The following ACAP2 variants were observed in gnomAD, a reference collection of about 807,000 sequenced individuals.
The protein encoded by ACAP2 is arf-GAP with coiled-coil, ANK repeat and PH domain-containing protein 2.
In ACAP2, 39 loss-of-function variants were observed where a neutral mutation model predicts 115.8. That is an observed-to-expected ratio of 0.34 (90% CI 0.26 to 0.44). ACAP2 has a LOEUF of 0.44. ACAP2 is among the 20% of genes least tolerant of loss of function. The pLI is 1.00. For synonymous variants in ACAP2, 289 were observed against 315.8 expected (o/e 0.92, Z 0.90); for missense variants, 662 against 927.6 (o/e 0.71, Z 3.72).
At chr3:195,420,135 T>C (rs115582418) in intron 1 of ACAP2, among the ~76,000 whole-genome samples, 4,325 of 152,226 alleles carry the variant, frequency 0.028, 91 homozygotes, top group Middle Eastern at 0.048. Context: ...TGTCAAGTTT[T>C]ATAGTTGTTT....
chr3:195,430,601 G>C (rs993941276), intron 1 of ACAP2, among the ~76,000 whole-genome samples: 1 of 152,148 alleles, frequency 6.6e-6, no homozygotes, highest in African/African-American at 2.4e-5. Context: ...TATAATCCCA[G>C]CTACTCGGGA....
intron 1 of ACAP2, among the ~76,000 whole-genome samples, chr3:195,432,892 T>C (rs1715244362): frequency 6.6e-6 from 1 of 152,246 alleles, no homozygotes; most frequent in Non-Finnish European, 1.5e-5. Context: ...TTCTAAGTAC[T>C]TTCCTCTTTT....
intron 1 of ACAP2, 58 bp downstream of exon 1, chr3:195,442,737 A>G: frequency 6.6e-7 from 1 of 1,507,952 alleles, no homozygotes; most frequent in Non-Finnish European, 8.9e-7. Context: ...CCCGGCTTTC[A>G]CGCCCCCAGC....
intron 4 of ACAP2, among the ~76,000 whole-genome samples, chr3:195,347,023 G>A (rs1027707512): frequency 6.6e-6 from 1 of 151,952 alleles, no homozygotes; most frequent in African/African-American, 2.4e-5. Context: ...TGGAACTGTT[G>A]TGCATCTTGA....
chr3:195,386,338 T>C (rs1734300465), intron 2 of ACAP2, among the ~76,000 whole-genome samples: 1 of 152,202 alleles, frequency 6.6e-6, no homozygotes, highest in Non-Finnish European at 1.5e-5. Context: ...GGGACTATAC[T>C]AAAAACCATG....
intron 8 of ACAP2, among the ~76,000 whole-genome samples, chr3:195,330,608 T>G (rs1479170142): frequency 1.3e-5 from 2 of 152,190 alleles, no homozygotes; most frequent in African/African-American, 4.8e-5. Flanking sequence ...CTGGCTTACA[T>G]GTCCTGTCTA....
intron 13 of ACAP2, among the ~76,000 whole-genome samples, chr3:195,302,764 GA>G (rs1003999361): frequency 1.8e-4 from 28 of 152,156 alleles, no homozygotes; most frequent in African/African-American, 6.5e-4. Flanking sequence ...TAAAAGAGAA[GA>G]AAAGCAAAAG....
intron 4 of ACAP2, among the ~76,000 whole-genome samples, chr3:195,349,311 G>T (rs1156481727): frequency 6.6e-6 from 1 of 151,998 alleles, no homozygotes; most frequent in Non-Finnish European, 1.5e-5. Flanking sequence ...GAGAAACCCC[G>T]TCTCTACTAA....
intron 4 of ACAP2, among the ~76,000 whole-genome samples, chr3:195,376,239 T>C (rs1238175133): frequency 6.6e-6 from 1 of 151,936 alleles, no homozygotes; most frequent in African/African-American, 2.4e-5. Flanking sequence ...ACTGAAAATA[T>C]AAACGCTAGC....
chr3:195,305,925 C>A (rs534328145), intron 13 of ACAP2, among the ~76,000 whole-genome samples: 2 of 152,090 alleles, frequency 1.3e-5, no homozygotes, highest in Non-Finnish European at 2.9e-5. Flanking sequence ...AGCAGTCGAT[C>A]CCCCTAACCA....
At chr3:195,408,760 T>A (rs183994453) in intron 1 of ACAP2, among the ~76,000 whole-genome samples, 7 of 152,278 alleles carry the variant, frequency 4.6e-5, no homozygotes, top group African/African-American at 1.2e-4. Context: ...CATGACCTAG[T>A]AGAATTTATT....
intron 1 of ACAP2, among the ~76,000 whole-genome samples, chr3:195,410,433 A>G (rs1713161581): frequency 6.6e-6 from 1 of 152,220 alleles, no homozygotes; most frequent in South Asian, 2.1e-4. Flanking sequence ...TAAAACTGAA[A>G]AATTTTGTGT....
intron 2 of ACAP2, among the ~76,000 whole-genome samples, chr3:195,388,813 G>C (rs1734466582): frequency 6.6e-6 from 1 of 152,198 alleles, no homozygotes; most frequent in South Asian, 2.1e-4. Context: ...CCTGAGGTTA[G>C]GAGTTCGAGA....
chr3:195,360,667 G>A (rs1307389858), intron 4 of ACAP2, among the ~76,000 whole-genome samples: 2 of 152,136 alleles, frequency 1.3e-5, no homozygotes, highest in Non-Finnish European at 2.9e-5. Context: ...GGTGGCACGT[G>A]CCTGTAATTC....
Position 195,279,734 on chromosome 3 carries a change from GGA to G in ACAP2, c.2237-308_2237-307del, listed in dbSNP as rs1577224285. On this transcript the variant is annotated intron_variant, in intron 22 of 22. Coordinates refer to ENST00000326793, the MANE Select transcript of ACAP2 (RefSeq NM_012287.6). ...AAATACGTTTATTAACACACGGGGG[GGA>G]AAAGTCATTCTAAATGAGGTGGAGT... The G allele has an allele frequency of 3.4e-5, 6 of 177,358 alleles. No individual in the cohort carries two copies. The East Asian group carries it at 8.7e-4, about 26-fold the overall frequency. The allele number at this position is 177,358 out of a possible 1,614,324, so 11.0% of individuals were successfully genotyped here.
intron 9 of ACAP2, chr3:195,325,425 T>C: frequency 2.3e-6 from 1 of 433,506 alleles, no homozygotes; most frequent in Non-Finnish European, 4.5e-6. Context: ...TTTTTTTTTT[T>C]TTTTTTTTTT....
intron 18 of ACAP2, 31 bp from the exon 19 acceptor site, chr3:195,292,483 A>G (rs372845718): frequency 9.6e-6 from 15 of 1,558,606 alleles, no homozygotes; most frequent in Admixed American, 2.2e-5. Context: ...CATCAATAAA[A>G]ATGAGCTCTT....
rs1173967088 is a variant in ACAP2, at chr3:195,297,310, A to G, written c.1396-29T>C. ...TTTGGCAAAAAAAAATAGAAAAATA[A>G]GCTATACATTAAAGACCTTAAAATA... On this transcript the variant is annotated intron_variant, in intron 15 of 22. Coordinates refer to ENST00000326793, the MANE Select transcript of ACAP2 (RefSeq NM_012287.6). The G allele has an allele frequency of 8.2e-6, 13 of 1,588,890 alleles. No homozygotes were observed. The South Asian group carries it at 1.5e-4, about 18-fold the overall frequency.
chr3:195,308,401 T>C (rs187276742), intron 11 of ACAP2, among the ~76,000 whole-genome samples: 1 of 151,218 alleles, frequency 6.6e-6, no homozygotes, highest in East Asian at 2.0e-4. Context: ...AAGACAAAAA[T>C]GTTTGAGGTG....
Sources: allele counts gnomAD v4.1 joint callset (sites outside exome capture counted in the v4.1 genomes callset), GRCh38; gene constraint gnomAD v4.1.1; transcripts MANE v1.5; gene names NCBI Gene and HGNC (gene_info 2026-07-23, HGNC 2026-07-21).